SLC25A13: variants seen among roughly 807,000 people sequenced by gnomAD.
SLC25A13 encodes the protein solute carrier family 25 member 13, also known as electrogenic aspartate/glutamate antiporter SLC25A13, mitochondrial.
A neutral mutation model predicts 85.5 loss-of-function variants in SLC25A13; 70 were observed. The observed-to-expected ratio is 0.82, with a 90% CI of 0.68 to 1.00. SLC25A13 has a LOEUF of 1.00. Ranked by LOEUF, SLC25A13 falls within the 50% of genes least tolerant of loss-of-function variation. SLC25A13 has a pLI of 0.00. For synonymous variants in SLC25A13, 259 were observed against 288.7 expected (o/e 0.90, Z 1.04); for missense variants, 765 against 819.8 (o/e 0.93, Z 0.82).
Position 96,190,600 on chromosome 7 carries a change from G to GTTTATTTA in SLC25A13, c.754+501_754+508dup, listed in dbSNP as rs201370685. Among the ~76,000 whole-genome samples, 634 of 151,798 alleles carry GTTTATTTA rather than the reference G, an allele frequency of 4.2e-3. 7 individuals carry two copies. The highest frequency in any genetic ancestry group is 0.014 in the African/African-American group (581 of 41,316). On this transcript the variant is annotated intron_variant, in intron 7 of 17. Coordinates refer to ENST00000265631, the MANE Select transcript of SLC25A13 (RefSeq NM_014251.3). Reference sequence around the variant, plus strand: ...TTTCCTTATTCAAAGGGTGTCTTCAGTTTATTTATTTATTTATTTATTTAT... The same window carrying GTTTATTTA: ...TTTCCTTATTCAAAGGGTGTCTTCAGTTTATTTATTTATTTATTTATTTATTTATTTAT...
chr7:96,139,470 A>C (rs1418648855), intron 14 of SLC25A13, among the ~76,000 whole-genome samples: 1 of 152,212 alleles, frequency 6.6e-6, no homozygotes, highest in Non-Finnish European at 1.5e-5. Context: ...GTATTTTTCA[A>C]ATGTTCACAC....
chr7:96,272,775 G>C (rs1245878161), intron 3 of SLC25A13, among the ~76,000 whole-genome samples: 1 of 152,134 alleles, frequency 6.6e-6, no homozygotes, highest in Non-Finnish European at 1.5e-5. Flanking sequence ...CAAAGAAAAG[G>C]GGGAAGAGGA....
chr7:96,270,693 T>C (rs1798208539), intron 3 of SLC25A13, among the ~76,000 whole-genome samples: 1 of 152,154 alleles, frequency 6.6e-6, no homozygotes, highest in East Asian at 1.9e-4. Flanking sequence ...AGCAAGACCC[T>C]TTGTCTAAAA....
At chr7:96,242,709 G>T (rs1356444755) in intron 3 of SLC25A13, among the ~76,000 whole-genome samples, 1 of 152,128 alleles carries the variant, frequency 6.6e-6, no homozygotes, top group African/African-American at 2.4e-5. Context: ...CCAACCAATT[G>T]TCAACCAGAA....
intron 11 of SLC25A13, among the ~76,000 whole-genome samples, chr7:96,181,715 T>A (rs1006876643): frequency 1.3e-5 from 2 of 152,210 alleles, no homozygotes; most frequent in Non-Finnish European, 2.9e-5. Flanking sequence ...AAAAATTACA[T>A]GTTGAGCAAA....
chr7:96,228,157 C>A (rs1796388723), intron 4 of SLC25A13, among the ~76,000 whole-genome samples: 1 of 152,120 alleles, frequency 6.6e-6, no homozygotes, highest in Non-Finnish European at 1.5e-5. Flanking sequence ...AATCACTGTG[C>A]CTGGCCTAGA....
At chr7:96,200,614 G>C (rs1052191213) in intron 5 of SLC25A13, among the ~76,000 whole-genome samples, 10 of 151,930 alleles carry the variant, frequency 6.6e-5, no homozygotes, top group Admixed American at 3.3e-4. Flanking sequence ...TTCACTGGGT[G>C]AGGCCTTTAA....
At chr7:96,302,153 C>T (rs1405314299) in intron 1 of SLC25A13, among the ~76,000 whole-genome samples, 1 of 152,136 alleles carries the variant, frequency 6.6e-6, no homozygotes, top group Non-Finnish European at 1.5e-5. Flanking sequence ...AAAACACATA[C>T]TAGGTAGGTA....
chr7:96,266,120 G>A (rs1431398638), intron 3 of SLC25A13, among the ~76,000 whole-genome samples: 3 of 152,152 alleles, frequency 2.0e-5, no homozygotes, highest in Non-Finnish European at 2.9e-5. Flanking sequence ...GAAGTTTTAC[G>A]CACTATTGCT....
chr7:96,230,162 A>G (rs932211421), intron 4 of SLC25A13, among the ~76,000 whole-genome samples: 1 of 152,270 alleles, frequency 6.6e-6, no homozygotes. Context: ...ACAGTGAAGA[A>G]AAACAAAAAA....
At chr7:96,223,042 A>G (rs1231854735) in intron 4 of SLC25A13, among the ~76,000 whole-genome samples, 1 of 152,124 alleles carries the variant, frequency 6.6e-6, no homozygotes, top group East Asian at 1.9e-4. Context: ...AGGGCAGCTC[A>G]CTGACCTCTG....
chr7:96,270,448 C>G (rs1029227355), intron 3 of SLC25A13, among the ~76,000 whole-genome samples: 1 of 151,740 alleles, frequency 6.6e-6, no homozygotes, highest in Non-Finnish European at 1.5e-5. Context: ...CCCAGCTACT[C>G]AGGAGGCTGA....
At chr7:96,140,143 A>G (rs1360141297) in intron 14 of SLC25A13, among the ~76,000 whole-genome samples, 5 of 149,472 alleles carry the variant, frequency 3.3e-5, no homozygotes, top group Admixed American at 6.6e-5. Flanking sequence ...TAGTTTTAGT[A>G]GAGACGGGGT....
intron 3 of SLC25A13, among the ~76,000 whole-genome samples, chr7:96,245,506 C>G (rs1478146957): frequency 6.6e-6 from 1 of 152,160 alleles, no homozygotes; most frequent in Admixed American, 6.5e-5. Flanking sequence ...AGATAAATAT[C>G]CTTTATTTCT....
chr7:96,246,635 T>C (rs1020225612), intron 3 of SLC25A13, among the ~76,000 whole-genome samples: 1 of 152,216 alleles, frequency 6.6e-6, no homozygotes, highest in African/African-American at 2.4e-5. Flanking sequence ...ACATTATCAA[T>C]TACTCGGGAA....
chr7:96,277,742 T>C lies in SLC25A13; in HGVS notation c.70-404A>G, dbSNP rs994417888. On this transcript the variant is annotated intron_variant, in intron 2 of 17. Transcript: ENST00000265631. ...GTCCAGGTTCAGAAACCCTGGTTTA[T>C]AGAAATTTGGAAAGACAAACTATGT... is the stretch of plus-strand genomic sequence containing the variant. Among the ~76,000 whole-genome samples the C allele has an allele frequency of 6.6e-5, 10 of 151,366 alleles. No homozygotes were observed. In the East Asian group the frequency reaches 1.7e-3, roughly 26 times the overall value.
intron 4 of SLC25A13, among the ~76,000 whole-genome samples, chr7:96,218,625 GAA>G (rs567224354): frequency 5.4e-4 from 82 of 151,980 alleles, no homozygotes; most frequent in Non-Finnish European, 9.7e-4. Context: ...GCATATCTAT[GAA>G]AAAGAGTTTC....
chr7:96,312,893 C>T (rs1304089777), intron 1 of SLC25A13, among the ~76,000 whole-genome samples: 2 of 152,098 alleles, frequency 1.3e-5, no homozygotes, highest in Non-Finnish European at 1.5e-5. Context: ...GCTCCATGGC[C>T]GTAGAAGGGT....
chr7:96,244,283 G>A (rs1797100464), intron 3 of SLC25A13, among the ~76,000 whole-genome samples: 1 of 152,092 alleles, frequency 6.6e-6, no homozygotes, highest in East Asian at 1.9e-4. Context: ...CTGAGGATAT[G>A]GAAACTACCA....
Sources: allele counts gnomAD v4.1 joint callset (sites outside exome capture counted in the v4.1 genomes callset), GRCh38; gene constraint gnomAD v4.1.1; transcripts MANE v1.5; gene names NCBI Gene and HGNC (gene_info 2026-07-23, HGNC 2026-07-21).